Variants in CACNG7 observed in about 807,000 individuals in gnomAD.
CACNG7 encodes calcium voltage-gated channel auxiliary subunit gamma 7, also known as voltage-dependent calcium channel gamma-7 subunit.
CACNG7 carries 9 observed loss-of-function variants against 26.3 expected under a neutral mutation model. That is an observed-to-expected ratio of 0.34 (90% CI 0.21 to 0.60). CACNG7 has a LOEUF of 0.60. CACNG7 is among the 20% of genes least tolerant of loss of function. The pLI, the probability that CACNG7 is intolerant of heterozygous loss-of-function variation, is 0.81. For missense variants in CACNG7, 297 were observed against 380.4 expected, an observed-to-expected ratio of 0.78 and a Z score of 1.82; for synonymous variants, 170 against 157.0, an observed-to-expected ratio of 1.08 and a Z score of -0.62.
intron 4 of CACNG7, among the ~76,000 whole-genome samples, chr19:53,922,155 T>C (rs1409087200): frequency 1.8e-4 from 18 of 98,510 alleles, no homozygotes; most frequent in South Asian, 3.8e-4. Context: ...TGTCCCCAGG[T>C]CTGGTCATTG....
intron 2 of CACNG7, among the ~76,000 whole-genome samples, chr19:53,914,177 G>A (rs2068878609): frequency 6.6e-6 from 1 of 151,460 alleles, no homozygotes; most frequent in Non-Finnish European, 1.5e-5. Context: ...AGGAGGCTGA[G>A]GCAGGAGAAT....
chr19:53,920,615 G>C (rs1232045767), intron 4 of CACNG7, among the ~76,000 whole-genome samples: 1 of 65,596 alleles, frequency 1.5e-5, no homozygotes, highest in African/African-American at 1.0e-4. Context: ...TATTGGTGGA[G>C]TTGCCCCAGG....
At chr19:53,922,588 A>ATTGGTGCAGTTGTCCCAGGC (rs2068970905) in intron 4 of CACNG7, among the ~76,000 whole-genome samples, 2 of 49,292 alleles carry the variant, frequency 4.1e-5, no homozygotes, top group African/African-American at 2.1e-4. Context: ...TTGTCCCAGG[A>ATTGGTGCAGTTGTCCCAGGC]CTGGTCATTG....
intron 4 of CACNG7, among the ~76,000 whole-genome samples, chr19:53,922,175 TCCCAGGCTGGTCATTGGTGGAGTTGC>T (rs2068963947): frequency 3.2e-5 from 3 of 94,576 alleles, no homozygotes; most frequent in African/African-American, 1.4e-4. Context: ...GGTGGAGTTG[TCCCAGGCTGGTCATTGGTGGAGTTGC>T]CCCAGGTCTG....
In CACNG7 at chr19:53,914,599, G is replaced by T. The variant is rs75256458; in HGVS notation, c.283+13G>T. ...GAGAATATTCTGAGTGAGGGGATGTGGGGGCACCTAGGCACAAGACAGCAA... is the reference window on the plus strand; with the variant it reads ...GAGAATATTCTGAGTGAGGGGATGTTGGGGCACCTAGGCACAAGACAGCAA... On this transcript the variant is annotated intron_variant, in intron 3 of 5. Transcript: ENST00000391767. The T allele has an allele frequency of 1.9e-3, 3,101 of 1,610,656 alleles. 66 individuals carry two copies. The African/African-American group carries it at 0.037, about 19-fold the overall frequency.
At position 53,923,309 on chromosome 19, in the gene CACNG7, TCAGGCTGGTCATTGGTGGAGTTGCCC is replaced by T. The variant is rs2068981681; in HGVS notation, c.424+7810_424+7835del. Among the ~76,000 whole-genome samples the T allele has an allele frequency of 4.0e-5, 3 of 74,590 alleles. No homozygotes were observed. In the East Asian group the frequency reaches 1.4e-3, roughly 36 times the overall value. The allele number at this position is 74,590 out of a possible 152,430, so 48.9% of individuals were successfully genotyped here. On this transcript the variant is annotated intron_variant, in intron 4 of 5. Coordinates refer to ENST00000391767, the MANE Select transcript of CACNG7 (RefSeq NM_031896.5). ...AGGTCTGGTCATTGGTGGAGTTGAC[TCAGGCTGGTCATTGGTGGAGTTGCCC>T]CAGGCCTGGTCATTGGTGGAGTTGC...
At chr19:53,923,958 A>C (rs1030436692) in intron 4 of CACNG7, among the ~76,000 whole-genome samples, 1 of 134,154 alleles carries the variant, frequency 7.5e-6, no homozygotes, top group East Asian at 2.4e-4. Flanking sequence ...AGTTGTCCCC[A>C]GGTCTGGTAT....
chr19:53,922,991 A>C lies in CACNG7; in HGVS notation c.424+7486A>C, dbSNP rs77827126. On this transcript the variant is annotated intron_variant, in intron 4 of 5. Transcript: ENST00000391767. ...TGGTCATTGGTGGAGTTGTCCCAGGACTGGTCATTGGTGCAGTTGCCCCAG... is the reference window on the plus strand; with the variant it reads ...TGGTCATTGGTGGAGTTGTCCCAGGCCTGGTCATTGGTGCAGTTGCCCCAG... Among the ~76,000 whole-genome samples the C allele has an allele frequency of 1.7e-3, 62 of 36,602 alleles. 8 individuals are homozygous for C. The highest frequency in any genetic ancestry group is 2.0e-3 in the Non-Finnish European group (44 of 21,904). 24.0% of individuals were successfully genotyped at this position (36,602 alleles called of 152,430 possible). A position where few individuals can be genotyped will look rare whatever the true frequency, so the allele number is the denominator to read the frequency against.
At chr19:53,921,051 C>T (rs867693669) in intron 4 of CACNG7, among the ~76,000 whole-genome samples, 12 of 47,326 alleles carry the variant, frequency 2.5e-4, no homozygotes, top group Admixed American at 6.4e-4. Flanking sequence ...TTGCCCCAGG[C>T]CTGGTCATTG....
chr19:53,915,270 A>G, intron 3 of CACNG7, 95 bp from the exon 4 acceptor site: 1 of 922,870 alleles, frequency 1.1e-6, no homozygotes, highest in Non-Finnish European at 1.7e-6. Flanking sequence ...AGCCAAACAA[A>G]AACGCAGAGG....
chr19:53,926,199 C>G (rs1372773771), intron 4 of CACNG7, among the ~76,000 whole-genome samples: 1 of 152,142 alleles, frequency 6.6e-6, no homozygotes, highest in Non-Finnish European at 1.5e-5. Context: ...CCCCATTACA[C>G]TTAGAATACA....
At chr19:53,932,276 T>C (rs961702787) in intron 4 of CACNG7, among the ~76,000 whole-genome samples, 1 of 145,920 alleles carries the variant, frequency 6.9e-6, no homozygotes, top group Non-Finnish European at 1.5e-5. Context: ...AAAAAAAGAA[T>C]TAAAAAATAA....
rs941207451 is a variant in CACNG7, at chr19:53,942,521, C to T, written c.*228C>T. On this transcript the variant is annotated 3_prime_UTR_variant, in exon 6 of 6. Coordinates refer to ENST00000391767, the MANE Select transcript of CACNG7 (RefSeq NM_031896.5). The surrounding 1 kb of genome is among the most constrained non-coding windows in gnomAD (Gnocchi z 5.9). ...CTCCTTTTCATTGGTCCCTCTCACT[C>T]CCAAATGACTCCTCCCCTTCGTTGG... 6.4e-6 allele frequency: 9 copies of T among 1,407,426 alleles called. No homozygotes were observed. The East Asian group carries it at 2.3e-4, about 37-fold the overall frequency. The allele number at this position is 1,407,426 out of a possible 1,614,324, so 87.2% of individuals were successfully genotyped here. A position where few individuals can be genotyped will look rare whatever the true frequency, so the allele number is the denominator to read the frequency against.
At chr19:53,922,981 T>C (rs372561548) in intron 4 of CACNG7, among the ~76,000 whole-genome samples, 2 of 97,572 alleles carry the variant, frequency 2.0e-5, no homozygotes, top group Admixed American at 8.8e-5. Flanking sequence ...ATTGGTGGAG[T>C]TGTCCCAGGA....
At chr19:53,929,070 TTACAC>T (rs2069053278) in intron 4 of CACNG7, among the ~76,000 whole-genome samples, 1 of 136,786 alleles carries the variant, frequency 7.3e-6, no homozygotes, top group African/African-American at 2.9e-5. Context: ...GATGGCGCCA[TTACAC>T]CACTCCAACC....
intron 4 of CACNG7, among the ~76,000 whole-genome samples, chr19:53,919,404 G>T (rs1269895912): frequency 6.7e-6 from 1 of 149,212 alleles, no homozygotes; most frequent in African/African-American, 2.5e-5. Context: ...TTGTCCCCAG[G>T]CCTGGTCATT....
intron 4 of CACNG7, among the ~76,000 whole-genome samples, chr19:53,935,510 A>G (rs1205246320): frequency 6.6e-6 from 1 of 151,158 alleles, no homozygotes. Context: ...TTTAGTAGAG[A>G]CAAGGTTTCA....
chr19:53,915,005 CA>C (rs1360776773), intron 3 of CACNG7, among the ~76,000 whole-genome samples: 51 of 118,114 alleles, frequency 4.3e-4, no homozygotes, highest in Admixed American at 5.1e-4. Flanking sequence ...GACTCTGTCT[CA>C]AAAAAAAAAA....
rs555004325 is a variant in CACNG7 at position 53,939,198 on chromosome 19, C to T, written c.425-2272C>T. 1.4e-4 allele frequency among the ~76,000 whole-genome samples: 22 copies of T among 152,178 alleles called. No individual in the cohort carries two copies. The highest frequency in any genetic ancestry group is 3.9e-4 in the Admixed American group (6 of 15,280). On this transcript the variant is annotated intron_variant, in intron 4 of 5. Transcript: ENST00000391767. This position sits in a 1 kb window ranked among gnomAD's most constrained non-coding sequence, Gnocchi z 4.2. ...GCTTGAGTCCAGGAGGCAGAGGTTG[C>T]GGTGAGCCGAGATTGCACCACTACA...
Sources: gnomAD v4.1 joint callset for allele counts (sites outside exome capture counted in the v4.1 genomes callset) on GRCh38, gnomAD v4.1.1 for gene constraint, Gnocchi (gnomAD v3.1) non-coding constraint, MANE v1.5 for transcripts, NCBI Gene and HGNC (gene_info 2026-07-23, HGNC 2026-07-21) for gene names.